The following ZNF707 variants were observed in gnomAD, a reference collection of about 807,000 sequenced individuals.
ZNF707 encodes the protein zinc finger protein 707.
A neutral mutation model predicts 13.3 loss-of-function variants in ZNF707; 8 were observed. The ratio of observed to expected loss-of-function variants is 0.60; its 90% CI spans 0.35 to 1.09. The LOEUF (loss-of-function observed/expected upper bound fraction) is 1.09. Among genes scored for constraint, ZNF707 ranks in the 50% least tolerant of loss-of-function variants. ZNF707 has a pLI of 0.02. For missense variants in ZNF707, 530 were observed against 512.6 expected (o/e 1.03, Z -0.33); for synonymous variants, 225 against 205.6 (o/e 1.09, Z -0.81).
At chr8:143,691,914 G>A in intron 5 of ZNF707, 3 of 1,122,922 alleles carry the variant, frequency 2.7e-6, no homozygotes, top group Admixed American at 2.1e-5. Context: ...CGGGGGTGGG[G>A]CTCGAAAGGC....
rs1056017125 is a variant in ZNF707, at chr8:143,694,627, C to G, written c.*97C>G. 221 of 1,359,570 alleles carry G rather than the reference C, an allele frequency of 1.6e-4. 1 individual carries two copies. In the Middle Eastern group the frequency reaches 1.8e-3, roughly 11 times the overall value. 84.2% of individuals were successfully genotyped at this position (1,359,570 alleles called of 1,614,324 possible). A position where few individuals can be genotyped will look rare whatever the true frequency, so the allele number is the denominator to read the frequency against. ...TTGCTCTTCAGCCTGGAAAATCAAC[C>G]TGAATTCAGAGAAGCCTTCTTAGTC... is the stretch of plus-strand genomic sequence containing the variant. On this transcript the variant is annotated 3_prime_UTR_variant, in exon 6 of 6. Transcript: ENST00000358656. The surrounding 1 kb of genome is among the most constrained non-coding windows in gnomAD (Gnocchi z 4.4).
intron 1 of ZNF707, chr8:143,688,752 C>T (rs554134056): frequency 1.3e-5 from 2 of 151,784 alleles, no homozygotes; most frequent in African/African-American, 2.4e-5. Context: ...GCAGTCCCCC[C>T]ACCTCAGCCT....
rs782325191 is a variant in ZNF707 at position 143,694,428 on chromosome 8, C to T, written c.1014C>T (p.His338=). 6.2e-7 allele frequency: 1 copy of T among 1,612,498 alleles called. No homozygotes were observed. Among genetic ancestry groups the T allele is most frequent in the Non-Finnish European group, 8.5e-7 (1 of 1,179,684 alleles). The change falls in exon 6 of 6, where the codon CAC becomes CAT. Residue 338 remains histidine (H), a synonymous_variant. Coordinates refer to ENST00000358656, the MANE Select transcript of ZNF707 (RefSeq NM_001100598.2). The surrounding 1 kb of genome is among the most constrained non-coding windows in gnomAD (Gnocchi z 4.4). ...GCTTCAGCATCCACCGGAGGCTGCA[C>T]CTGACGAAGAGGTTCTACGAGTGCG... ...PKGFSIHRRL[H]LTKRFYECGH... is the part of the protein sequence containing the mutation.
chr8:143,692,948 G>A (rs1554614059), intron 5 of ZNF707, among the ~76,000 whole-genome samples: 1 of 152,106 alleles, frequency 6.6e-6, no homozygotes, highest in African/African-American at 2.4e-5. Flanking sequence ...TTGAGAATCA[G>A]GTGGAGCTAC....
chr8:143,692,189 A>C (rs1816873667), intron 5 of ZNF707: 2 of 1,293,480 alleles, frequency 1.5e-6, no homozygotes, highest in Non-Finnish European at 2.0e-6. Flanking sequence ...CCATTAGGTG[A>C]GGGTTGCTCT....
chr8:143,692,236 C>T (rs1554613839), intron 5 of ZNF707: 2 of 1,290,486 alleles, frequency 1.5e-6, no homozygotes, highest in South Asian at 2.5e-5. Flanking sequence ...TTTTTACTTA[C>T]ATTTTCAGAG....
Position 143,691,038 on chromosome 8 carries a change from G to A in ZNF707, c.16-35G>A, listed in dbSNP as rs532789302. ...CTGTGGGCTGAGCCTTCTTTTTCTT[G>A]GGAATGGCCTCTTCGGGAGCTGTGT... On this transcript the variant is annotated intron_variant, in intron 3 of 5. Transcript: ENST00000358656. The A allele has an allele frequency of 5.6e-6, 9 of 1,612,220 alleles. No homozygotes were observed. In the African/African-American group the frequency reaches 1.1e-4, roughly 19 times the overall value.
chr8:143,685,356 T>G (rs1255557501), intron 1 of ZNF707, among the ~76,000 whole-genome samples: 4 of 151,980 alleles, frequency 2.6e-5, no homozygotes, highest in Admixed American at 2.6e-4. Context: ...AAACCTTGTC[T>G]CTACAAAAAA....
chr8:143,690,336 C>G, intron 3 of ZNF707: 1 of 579,876 alleles, frequency 1.7e-6, no homozygotes, highest in Non-Finnish European at 3.0e-6. Context: ...CTTTGGGAGG[C>G]TGAGGCAGGT....
chr8:143,690,554 C>T (rs999554521), intron 3 of ZNF707: 10 of 199,418 alleles, frequency 5.0e-5, no homozygotes, highest in Middle Eastern at 1.7e-3. Flanking sequence ...AGCAAGACTC[C>T]GTCTCAAAAA....
chr8:143,693,673 G>A lies in ZNF707; in HGVS notation c.259G>A (p.Ala87Thr), dbSNP rs1159786983. 3.8e-6 allele frequency: 6 copies of A among 1,578,576 alleles called. No individual in the cohort carries two copies. The highest frequency in any genetic ancestry group is 1.2e-5 in the South Asian group (1 of 84,368). ...QAVQRGPRPG[A>T]RKSADPKRPC... Reference sequence around the variant, plus strand: ...AAGGGTGTCTGTTCCTTCCACAGGGGCAAGGAAGTCTGCAGACCCCAAGAG... The same window carrying A: ...AAGGGTGTCTGTTCCTTCCACAGGGACAAGGAAGTCTGCAGACCCCAAGAG... Residue 87 changes from alanine to threonine, a missense_variant and splice_region_variant, in exon 6 of 6, where the codon GCA becomes ACA. Physicochemically the swap from Ala to Thr is moderately conservative, Grantham distance 58 (BLOSUM62 0). Transcript: ENST00000358656. This position sits in a 1 kb window ranked among gnomAD's most constrained non-coding sequence, Gnocchi z 4.1.
chr8:143,687,903 T>C (rs1816434411), intron 1 of ZNF707: 1 of 152,176 alleles, frequency 6.6e-6, no homozygotes, highest in African/African-American at 2.4e-5. Flanking sequence ...TTTCTGCAGC[T>C]ATTGAGATAA....
intron 3 of ZNF707, chr8:143,690,827 T>A: frequency 1.8e-6 from 1 of 548,890 alleles, no homozygotes. Flanking sequence ...CTCTGGAGTC[T>A]CCTGTGAGGA....
Position 143,684,505 on chromosome 8 carries a change from G to C in ZNF707, c.-188G>C, listed in dbSNP as rs1235106761. On this transcript the variant is annotated 5_prime_UTR_variant, in exon 1 of 6. Transcript: ENST00000358656. Reference sequence around the variant, plus strand: ...TAAAAGTCTGGGCTACCGGCGCGGCGTAGTGGATGCAGCATCCTAGTGGAG... The same window carrying C: ...TAAAAGTCTGGGCTACCGGCGCGGCCTAGTGGATGCAGCATCCTAGTGGAG... 1 of 152,264 alleles carries C rather than the reference G, an allele frequency of 6.6e-6. No individual in the cohort carries two copies. The highest frequency in any genetic ancestry group is 2.4e-5 in the African/African-American group (1 of 41,444). 9.4% of individuals were successfully genotyped at this position (152,264 alleles called of 1,614,324 possible).
Position 143,691,610 on chromosome 8 carries a change from C to G in ZNF707, c.153C>G (p.Ser51Arg). 6.2e-7 allele frequency: 1 copy of G among 1,607,162 alleles called. No homozygotes were observed. The highest frequency in any genetic ancestry group is 8.5e-7 in the Non-Finnish European group (1 of 1,177,258). The stretch of plus-strand genomic sequence containing the variant: ...CTCTCCTTTGAGAAGGATTTTGCAG[C>G]CCCAGACCAGACCTCGTCTCTCGCC... ...FSSVAALGFC[S>R]PRPDLVSRLE... The change falls in exon 5 of 6, where the codon AGC becomes AGG. Residue 51 changes from serine to arginine, a missense_variant. Transcript: ENST00000358656.
intron 2 of ZNF707, among the ~76,000 whole-genome samples, chr8:143,689,836 G>T (rs1450398820): frequency 6.6e-6 from 1 of 152,176 alleles, no homozygotes; most frequent in Non-Finnish European, 1.5e-5. Context: ...TGTGGAGGTG[G>T]CACACTGTAC....
chr8:143,686,322 T>C (rs1343890508), intron 1 of ZNF707, among the ~76,000 whole-genome samples: 2 of 151,556 alleles, frequency 1.3e-5, no homozygotes, highest in Non-Finnish European at 2.9e-5. Context: ...TCCACCTGCC[T>C]CGGCCTCCCC....
rs1554614567 is a variant in ZNF707, at chr8:143,694,091, A to G, written c.677A>G (p.His226Arg). 1.2e-6 allele frequency: 2 copies of G among 1,607,888 alleles called. No homozygotes were observed. ...ASNLQRHQKN[H>R]TREKPFCCEA... Reference sequence around the variant, plus strand: ...AACCTGCAGCGCCACCAGAAGAACCACACGCGCGAGAAGCCCTTCTGCTGC... The same window carrying G: ...AACCTGCAGCGCCACCAGAAGAACCGCACGCGCGAGAAGCCCTTCTGCTGC... Residue 226 changes from histidine (H) to arginine (R), a missense_variant, in exon 6 of 6, where the codon CAC becomes CGC. By Grantham distance (29) the His-to-Arg change is conservative. Transcript: ENST00000358656. This position sits in a 1 kb window ranked among gnomAD's most constrained non-coding sequence, Gnocchi z 4.4.
At position 143,691,473 on chromosome 8, in the gene ZNF707, G is replaced by A. The variant is rs541711253; in HGVS notation, c.143-127G>A. ...TCCCTTCCTGTCATCTCTGCTTTGG[G>A]GTGGCTTCTCCAGGGCCTCCCGAGG... On this transcript the variant is annotated intron_variant, in intron 4 of 5. Transcript: ENST00000358656. 83 of 1,124,880 alleles carry A rather than the reference G, an allele frequency of 7.4e-5. No individual in the cohort carries two copies. In the African/African-American group the frequency reaches 8.8e-4, roughly 12 times the overall value. The allele number at this position is 1,124,880 out of a possible 1,614,324, so 69.7% of individuals were successfully genotyped here.
Sources: allele counts gnomAD v4.1 joint callset (sites outside exome capture counted in the v4.1 genomes callset), GRCh38; gene constraint gnomAD v4.1.1; non-coding constraint Gnocchi (gnomAD v3.1); transcripts MANE v1.5; gene names NCBI Gene and HGNC (gene_info 2026-07-23, HGNC 2026-07-21).